The following TPO variants were observed in gnomAD, a reference collection of about 807,000 sequenced individuals.
TPO encodes the protein thyroid peroxidase.
TPO carries 78 observed loss-of-function variants against 96.9 expected under a neutral mutation model. That is an observed-to-expected ratio of 0.81 (90% CI 0.67 to 0.97). The LOEUF (loss-of-function observed/expected upper bound fraction) is 0.97, where lower values mean the gene tolerates loss of function less well. TPO is among the 50% of genes least tolerant of loss of function. TPO has a pLI of 0.00. For missense variants in TPO, 1,252 were observed against 1,274.8 expected (o/e 0.98, Z 0.27); for synonymous variants, 547 against 538.0 (o/e 1.02, Z -0.23).
At chr2:1,507,603 C>G (rs1190890878) in intron 14 of TPO, among the ~76,000 whole-genome samples, 1 of 151,520 alleles carries the variant, frequency 6.6e-6, no homozygotes, top group African/African-American at 2.4e-5. Flanking sequence ...CCTTCACATC[C>G]CTTGTAAGTT....
chr2:1,434,674 A>T (rs1217846949), intron 4 of TPO, among the ~76,000 whole-genome samples: 1 of 152,172 alleles, frequency 6.6e-6, no homozygotes, highest in African/African-American at 2.4e-5. Context: ...GTCTGTAGAC[A>T]TCGATGTTTA....
intron 7 of TPO, among the ~76,000 whole-genome samples, chr2:1,459,997 G>A (rs1215643567): frequency 6.6e-6 from 1 of 150,380 alleles, no homozygotes; most frequent in Non-Finnish European, 1.5e-5. Context: ...GTGTAGTGGC[G>A]CAATCTCAGC....
chr2:1,540,834 TTTCCTAGTCCGTTCTGCACC>T, intron 16 of TPO, 111 bp downstream of exon 16: 1 of 1,588,172 alleles, frequency 6.3e-7, no homozygotes, highest in South Asian at 1.1e-5. Context: ...TTACTCCGTG[TTTCCTAGTCCGTTCTGCACC>T]TTCCTCCGGG....
chr2:1,483,747 G>A (rs1222711570), intron 8 of TPO, among the ~76,000 whole-genome samples: 2 of 152,144 alleles, frequency 1.3e-5, no homozygotes, highest in Non-Finnish European at 2.9e-5. Context: ...AGGTGGAGCG[G>A]GACAGCGAGG....
chr2:1,461,190 G>A (rs151144882), intron 7 of TPO, among the ~76,000 whole-genome samples: 1 of 152,122 alleles, frequency 6.6e-6, no homozygotes, highest in African/African-American at 2.4e-5. Flanking sequence ...ATCATCCTGG[G>A]CACGTTCTGC....
In TPO at chr2:1,540,609, T is replaced by TAAATCCACACTGCCCATCTCGGAGAC; in HGVS notation, c.2636_2661dup (p.Gly888AsnfsTer16). On this transcript the variant is annotated frameshift_variant, in exon 16 of 17. Transcript: ENST00000329066. LOFTEE classifies it high-confidence loss of function. The stretch of plus-strand genomic sequence containing the variant: ...TCTCCCACAGGACACGCACTGGCAC[T>TAAATCCACACTGCCCATCTCGGAGAC]AAATCCACACTGCCCATCTCGGAGA... The TAAATCCACACTGCCCATCTCGGAGAC allele has an allele frequency of 6.2e-7, 1 of 1,613,532 alleles. No individual in the cohort carries two copies. Among genetic ancestry groups the TAAATCCACACTGCCCATCTCGGAGAC allele is most frequent in the South Asian group, 1.1e-5 (1 of 91,064 alleles).
intron 7 of TPO, among the ~76,000 whole-genome samples, chr2:1,465,427 T>C (rs577222864): frequency 2.0e-5 from 3 of 152,312 alleles, no homozygotes; most frequent in South Asian, 4.2e-4. Flanking sequence ...GTTTTCTAAT[T>C]TGATGAAGAA....
chr2:1,434,794 T>C (rs961028), intron 4 of TPO, among the ~76,000 whole-genome samples: 40,016 of 152,124 alleles, frequency 0.26, 5,560 homozygotes, highest in South Asian at 0.4. Flanking sequence ...ATCTTGAAAA[T>C]TTAGAACACG....
chr2:1,400,685 C>T (rs573558207), intron 1 of TPO, among the ~76,000 whole-genome samples: 64 of 140,366 alleles, frequency 4.6e-4, no homozygotes, highest in African/African-American at 1.7e-3. Flanking sequence ...CAAATGAAAA[C>T]GTAAATTTCC....
chr2:1,407,811 T>G (rs1662269420), intron 1 of TPO, among the ~76,000 whole-genome samples: 1 of 152,244 alleles, frequency 6.6e-6, no homozygotes, highest in African/African-American at 2.4e-5. Context: ...TCAAGGAAGA[T>G]TCCATTTCTA....
intron 2 of TPO, among the ~76,000 whole-genome samples, chr2:1,419,174 C>A (rs542561822): frequency 1.7e-4 from 26 of 152,260 alleles, no homozygotes; most frequent in African/African-American, 6.3e-4. Context: ...CAGGAGCAAT[C>A]TTGAGAAGGC....
chr2:1,487,783 C>G, intron 9 of TPO, 38 bp from the exon 10 acceptor site: 1 of 1,613,620 alleles, frequency 6.2e-7, no homozygotes, highest in East Asian at 2.2e-5. Flanking sequence ...TAGAACTGAG[C>G]CAAGAGCTGT....
At chr2:1,438,971 C>A in intron 5 of TPO, 1 of 663,452 alleles carries the variant, frequency 1.5e-6, no homozygotes, top group Admixed American at 2.6e-5. Flanking sequence ...GCCCCTGGGT[C>A]CTGCAGTAGA....
rs1465299841 is a variant in TPO at position 1,541,071 on chromosome 2, TTAAGTGGAA to T, written c.2748+351_2748+359del. 4.5e-5 allele frequency: 56 copies of T among 1,237,588 alleles called. 1 individual carries two copies. In the South Asian group the frequency reaches 6.1e-4, roughly 13 times the overall value. 76.7% of individuals were successfully genotyped at this position (1,237,588 alleles called of 1,614,324 possible). A position where few individuals can be genotyped will look rare whatever the true frequency, so the allele number is the denominator to read the frequency against. On this transcript the variant is annotated intron_variant, in intron 16 of 16. Transcript: ENST00000329066. ...AACCCTGACTTTTAAATTCTGATTT[TTAAGTGGAA>T]TAGTTATAATCAGTGTGGAAAAATG...
intron 15 of TPO, among the ~76,000 whole-genome samples, chr2:1,534,355 T>C (rs1679030823): frequency 1.8e-5 from 2 of 110,038 alleles, no homozygotes; most frequent in Non-Finnish European, 1.9e-5. Context: ...CCCTAAGTCG[T>C]CCAACTGTGT....
intron 13 of TPO, among the ~76,000 whole-genome samples, chr2:1,497,400 C>T (rs951812234): frequency 5.3e-5 from 8 of 152,330 alleles, no homozygotes; most frequent in African/African-American, 1.2e-4. Context: ...AACAGAGCCT[C>T]CCGGGGGGAG....
intron 1 of TPO, among the ~76,000 whole-genome samples, chr2:1,405,021 A>G (rs1465485978): frequency 6.6e-6 from 1 of 151,980 alleles, no homozygotes; most frequent in Non-Finnish European, 1.5e-5. Context: ...GCAGCCATCC[A>G]TTCCTTTATT....
At chr2:1,453,884 G>A (rs1369594562) in intron 6 of TPO, 61 bp downstream of exon 6, 3 of 1,611,254 alleles carry the variant, frequency 1.9e-6, no homozygotes, top group Non-Finnish European at 8.5e-7. Flanking sequence ...CTGAGGGAGG[G>A]AAATAGCCTT....
intron 15 of TPO, among the ~76,000 whole-genome samples, chr2:1,521,658 G>A (rs1675280683): frequency 2.6e-5 from 4 of 152,098 alleles, no homozygotes; most frequent in Admixed American, 1.3e-4. Flanking sequence ...TTTGCTGGGG[G>A]ACAGACGTAG....
Sources: gnomAD v4.1 joint callset for allele counts (sites outside exome capture counted in the v4.1 genomes callset) on GRCh38, gnomAD v4.1.1 for gene constraint, MANE v1.5 for transcripts, NCBI Gene and HGNC (gene_info 2026-07-23, HGNC 2026-07-21) for gene names.